The following PTGIS variants were observed in gnomAD, a reference collection of about 807,000 sequenced individuals.
PTGIS encodes the protein prostaglandin I2 synthase, also known as prostacyclin synthase.
Under a neutral mutation model 50.3 loss-of-function variants are expected in PTGIS, and 45 were observed. That is an observed-to-expected ratio of 0.90 (90% CI 0.70 to 1.15). PTGIS has a LOEUF of 1.15. Ranked by LOEUF, PTGIS falls within the 50% of genes most tolerant of loss-of-function variation. The pLI is 0.00. For synonymous variants in PTGIS, 260 were observed against 267.7 expected, an observed-to-expected ratio of 0.97 and a Z score of 0.28; for missense variants, 668 against 661.3, an observed-to-expected ratio of 1.01 and a Z score of -0.11.
intron 4 of PTGIS, among the ~76,000 whole-genome samples, chr20:49,542,226 G>C (rs1182034043): frequency 2.6e-5 from 4 of 152,206 alleles, no homozygotes; most frequent in Non-Finnish European, 5.9e-5. Context: ...GCCAACACAG[G>C]CCAGGCTGGT....
intron 1 of PTGIS, among the ~76,000 whole-genome samples, chr20:49,565,075 A>G (rs1982863561): frequency 6.8e-6 from 1 of 147,166 alleles, no homozygotes; most frequent in Non-Finnish European, 1.5e-5. Context: ...GCTTCATGCC[A>G]TTCTCCTGCC....
chr20:49,535,227 G>A (rs1038411127), intron 5 of PTGIS, among the ~76,000 whole-genome samples: 4 of 152,128 alleles, frequency 2.6e-5, no homozygotes, highest in Admixed American at 2.6e-4. Flanking sequence ...GGCATCTGGT[G>A]GAGCAGATTT....
rs76774322 is a variant in PTGIS at position 49,560,228 on chromosome 20, T to C, written c.74+7815A>G. ...TGAGCCACCATGCCCGGCCGAATTA[T>C]ACACTTTAAAAGGGGAGCTGGAGGG... is the stretch of plus-strand genomic sequence containing the variant. On this transcript the variant is annotated intron_variant, in intron 1 of 9. Coordinates refer to ENST00000244043, the MANE Select transcript of PTGIS (RefSeq NM_000961.4). Among the ~76,000 whole-genome samples, 314 of 149,380 alleles carry C rather than the reference T, an allele frequency of 2.1e-3. 13 individuals carry two copies. In the East Asian group the frequency reaches 0.047, roughly 22 times the overall value.
rs1386627322 is a variant in PTGIS at position 49,504,281 on chromosome 20, C to G, written c.*3639G>C. ...GAGAGAGCTCTCAGCCTTGGCCACA[C>G]CAGCATGGAGCCCCCTTCCCCAGCG... On this transcript the variant is annotated 3_prime_UTR_variant, in exon 10 of 10. Coordinates refer to ENST00000244043, the MANE Select transcript of PTGIS (RefSeq NM_000961.4). 1 of 152,292 alleles carries G rather than the reference C, an allele frequency of 6.6e-6. No homozygotes were observed. The highest frequency in any genetic ancestry group is 1.5e-5 in the Non-Finnish European group (1 of 68,082). The allele number at this position is 152,292 out of a possible 1,614,324, so 9.4% of individuals were successfully genotyped here. A position where few individuals can be genotyped will look rare whatever the true frequency, so the allele number is the denominator to read the frequency against.
chr20:49,552,809 A>G (rs1265923398), intron 1 of PTGIS, among the ~76,000 whole-genome samples: 1 of 152,218 alleles, frequency 6.6e-6, no homozygotes, highest in Non-Finnish European at 1.5e-5. Flanking sequence ...AAATAAAAAC[A>G]TAAAACAACT....
chr20:49,563,143 A>G (rs1051087037), intron 1 of PTGIS, among the ~76,000 whole-genome samples: 3 of 152,202 alleles, frequency 2.0e-5, no homozygotes, highest in Non-Finnish European at 4.4e-5. Context: ...TTTCAACTCA[A>G]TGCAGGGCCT....
intron 1 of PTGIS, among the ~76,000 whole-genome samples, chr20:49,553,936 C>A (rs114565560): frequency 0.027 from 4,038 of 152,120 alleles, 185 homozygotes; most frequent in African/African-American, 0.092. Context: ...TTATGAAAAA[C>A]ATTTTATGTG....
rs371898783 is a variant in PTGIS, at chr20:49,561,050, G to C, written c.74+6993C>G. 9.9e-5 allele frequency among the ~76,000 whole-genome samples: 15 copies of C among 152,248 alleles called. No individual in the cohort carries two copies. In the East Asian group the frequency reaches 2.7e-3, roughly 27 times the overall value. ...GTGGAAGCAATGGCCATGGTCCCCG[G>C]GGAGCCAGACCTAACATCTGAGTCT... On this transcript the variant is annotated intron_variant, in intron 1 of 9. Transcript: ENST00000244043.
At chr20:49,511,319 T>G (rs1252853063) in intron 8 of PTGIS, 140 bp from the exon 9 acceptor site, 2 of 972,420 alleles carry the variant, frequency 2.1e-6, no homozygotes, top group Non-Finnish European at 3.1e-6. Context: ...TGATAGGGGA[T>G]TGGTTAAAAA....
At chr20:49,520,488 C>T (rs1252240408) in intron 6 of PTGIS, among the ~76,000 whole-genome samples, 2 of 152,058 alleles carry the variant, frequency 1.3e-5, no homozygotes, top group Non-Finnish European at 2.9e-5. Flanking sequence ...CCTGTGCGAC[C>T]ATGCCTGGCT....
intron 5 of PTGIS, among the ~76,000 whole-genome samples, chr20:49,537,904 A>G (rs1248059292): frequency 1.3e-5 from 2 of 152,226 alleles, no homozygotes; most frequent in Non-Finnish European, 1.5e-5. Context: ...TCAACCAGGA[A>G]TGGATAAACA....
rs1327758203 is a variant in PTGIS, at chr20:49,568,052, C to T, written c.65G>A (p.Arg22His). 1.3e-6 allele frequency: 2 copies of T among 1,482,538 alleles called. No homozygotes were observed. Among genetic ancestry groups the T allele is most frequent in the East Asian group, 5.8e-5 (2 of 34,552 alleles). 91.8% of individuals were successfully genotyped at this position (1,482,538 alleles called of 1,614,324 possible). The change falls in exon 1 of 10, where the codon CGC (arginine) becomes CAC (histidine). Residue 22 changes from arginine (R) to histidine (H), a missense_variant. Transcript: ENST00000244043. ...GGAGCAGGACACTCACCGCGTGCGG[C>T]GGCGGCTCAGTAGCAGCAGCAGCAA... ...ALLLLLLLSRRRTRRPGEPPL... is the reference protein window; with the variant it reads ...ALLLLLLLSRHRTRRPGEPPL...
intron 4 of PTGIS, among the ~76,000 whole-genome samples, chr20:49,541,641 G>A (rs6019889): frequency 0.045 from 6,844 of 152,216 alleles, 497 homozygotes; most frequent in African/African-American, 0.16. Flanking sequence ...TGAGGCGAGA[G>A]AATCGCTTGA....
chr20:49,565,956 G>A (rs989028812), intron 1 of PTGIS, among the ~76,000 whole-genome samples: 7 of 152,202 alleles, frequency 4.6e-5, no homozygotes, highest in Non-Finnish European at 8.8e-5. Context: ...TCAGCAGGGC[G>A]CGGTGACTCA....
intron 1 of PTGIS, among the ~76,000 whole-genome samples, chr20:49,560,512 G>C (rs1982743237): frequency 6.6e-6 from 1 of 152,264 alleles, no homozygotes; most frequent in Non-Finnish European, 1.5e-5. Flanking sequence ...CCAAAAGGGT[G>C]AACTAAATGG....
chr20:49,538,848 A>C (rs1982150650), intron 5 of PTGIS, among the ~76,000 whole-genome samples: 2 of 151,860 alleles, frequency 1.3e-5, no homozygotes, highest in African/African-American at 2.4e-5. Context: ...TGCCTGGCTA[A>C]TTTTTGTATT....
chr20:49,561,478 A>G (rs1982773744), intron 1 of PTGIS, among the ~76,000 whole-genome samples: 1 of 152,184 alleles, frequency 6.6e-6, no homozygotes, highest in Admixed American at 6.5e-5. Context: ...GGCTAAGGCC[A>G]CTTCTCCTGA....
In PTGIS at chr20:49,506,039, G is replaced by A. The variant is rs911898232; in HGVS notation, c.*1881C>T. On this transcript the variant is annotated 3_prime_UTR_variant, in exon 10 of 10. Coordinates refer to ENST00000244043, the MANE Select transcript of PTGIS (RefSeq NM_000961.4). ...GCCTCTGGCTCTGTCAGCTCCTGAAGTCGAGAAGAATTGTCCCATCACCAG... is the reference window on the plus strand; with the variant it reads ...GCCTCTGGCTCTGTCAGCTCCTGAAATCGAGAAGAATTGTCCCATCACCAG... 2 of 152,694 alleles carry A rather than the reference G, an allele frequency of 1.3e-5. No individual in the cohort carries two copies. The highest frequency in any genetic ancestry group is 2.9e-5 in the Non-Finnish European group (2 of 68,064). 9.5% of individuals were successfully genotyped at this position (152,694 alleles called of 1,614,324 possible).
At position 49,514,287 on chromosome 20, in the gene PTGIS, G is replaced by C; in HGVS notation, c.964C>G (p.Gln322Glu). 1 of 1,614,110 alleles carries C rather than the reference G, an allele frequency of 6.2e-7. No individual in the cohort carries two copies. Among genetic ancestry groups the C allele is most frequent in the African/African-American group, 1.3e-5 (1 of 75,052 alleles). Residue 322 changes from glutamine (Q) to glutamate (E), a missense_variant, in exon 7 of 10, where the codon CAG (glutamine) becomes GAG (glutamate). Transcript: ENST00000244043. Reference protein sequence around the residue: ...ELESILWQAEQPVSQTTTLPQ... With the variant: ...ELESILWQAEEPVSQTTTLPQ... ...AGAGTGGTCGTCTGCGAGACAGGCT[G>C]CTCCGCTTGCCAAAGGATACTCTCG...
Sources: allele counts gnomAD v4.1 joint callset (sites outside exome capture counted in the v4.1 genomes callset), GRCh38; gene constraint gnomAD v4.1.1; transcripts MANE v1.5; gene names NCBI Gene and HGNC (gene_info 2026-07-23, HGNC 2026-07-21).